The following MSR1 variants were observed in gnomAD, a reference collection of about 807,000 sequenced individuals.
MSR1 encodes macrophage scavenger receptor 1.
Under a neutral mutation model 47.2 loss-of-function variants are expected in MSR1, and 53 were observed. The ratio of observed to expected loss-of-function variants is 1.12; its 90% CI spans 0.90 to 1.41. The LOEUF (loss-of-function observed/expected upper bound fraction) is 1.41. Ranked by LOEUF, MSR1 falls within the 40% of genes most tolerant of loss-of-function variation. The pLI is 0.00. For missense variants in MSR1, 786 were observed against 546.9 expected (o/e 1.44, Z -4.36); for synonymous variants, 239 against 185.6 (o/e 1.29, Z -2.34).
Position 16,141,327 on chromosome 8 carries a change from G to A in MSR1, c.1033+2231C>T, listed in dbSNP as rs533206789. On this transcript the variant is annotated intron_variant, in intron 8 of 9. Coordinates refer to ENST00000262101, the MANE Select transcript of MSR1 (RefSeq NM_138715.3). ...AAAAAGTATTCCCACAAGATTACAT[G>A]TGAGAGTGTTGAATGTAGCATTGTT... Among the ~76,000 whole-genome samples, 6 of 152,270 alleles carry A rather than the reference G, an allele frequency of 3.9e-5. No individual in the cohort carries two copies. In the South Asian group the frequency reaches 1.2e-3, roughly 32 times the overall value.
At chr8:16,166,964 C>T (rs1399584861) in intron 4 of MSR1, among the ~76,000 whole-genome samples, 2 of 151,580 alleles carry the variant, frequency 1.3e-5, no homozygotes, top group Admixed American at 6.6e-5. Context: ...CACACACACA[C>T]ACACATGCAC....
At chr8:16,178,022 T>A (rs1421689168) in intron 1 of MSR1, 30 bp from the exon 2 acceptor site, 1 of 1,540,234 alleles carries the variant, frequency 6.5e-7, no homozygotes, top group South Asian at 1.1e-5. Context: ...AATATATTAA[T>A]TCCACATGAA....
At position 16,139,758 on chromosome 8, in the gene MSR1, AAAAAAAAAAAAAAAAAATATATAT is replaced by A. The variant is rs1276558737; in HGVS notation, c.1033+3776_1033+3799del. On this transcript the variant is annotated intron_variant, in intron 8 of 9. Transcript: ENST00000262101. ...TACACTTCAAAACTTAAAAAAAAAA[AAAAAAAAAAAAAAAAAATATATAT>A]ATATATATATATATATATATATATA... The A allele has an allele frequency of 7.0e-5, 11 of 156,124 alleles. No homozygotes were observed. In the African/African-American group the frequency reaches 9.4e-4, roughly 13 times the overall value. 9.7% of individuals were successfully genotyped at this position (156,124 alleles called of 1,614,324 possible). A position where few individuals can be genotyped will look rare whatever the true frequency, so the allele number is the denominator to read the frequency against.
chr8:16,139,718 T>C (rs1563147735), intron 8 of MSR1: 2 of 861,258 alleles, frequency 2.3e-6, no homozygotes, highest in East Asian at 2.6e-4. Flanking sequence ...GTTGGATAAA[T>C]TGCCCAAGCT....
At chr8:16,129,028 A>G (rs1800193795) in intron 8 of MSR1, among the ~76,000 whole-genome samples, 1 of 152,128 alleles carries the variant, frequency 6.6e-6, no homozygotes, top group Non-Finnish European at 1.5e-5. Flanking sequence ...GAGGTGGAAG[A>G]TGTTTTATAA....
chr8:16,182,848 T>C (rs1399122274), intron 1 of MSR1, among the ~76,000 whole-genome samples: 1 of 152,154 alleles, frequency 6.6e-6, no homozygotes, highest in Non-Finnish European at 1.5e-5. Context: ...AAATAATGAT[T>C]AAGAAGTATA....
At chr8:16,127,862 C>A (rs1800164609) in intron 8 of MSR1, among the ~76,000 whole-genome samples, 1 of 152,152 alleles carries the variant, frequency 6.6e-6, no homozygotes, top group African/African-American at 2.4e-5. Flanking sequence ...TTACAAATAT[C>A]TCCATGGTGA....
At chr8:16,169,260 A>C (rs1396223958) in intron 3 of MSR1, among the ~76,000 whole-genome samples, 1 of 152,216 alleles carries the variant, frequency 6.6e-6, no homozygotes, top group Non-Finnish European at 1.5e-5. Flanking sequence ...TTTCTGAAGT[A>C]AGCATGTTGA....
At chr8:16,158,252 T>C (rs935559574) in intron 5 of MSR1, among the ~76,000 whole-genome samples, 1 of 152,016 alleles carries the variant, frequency 6.6e-6, no homozygotes, top group African/African-American at 2.4e-5. Flanking sequence ...TAATCTGCCA[T>C]GAAGAATTAC....
At chr8:16,178,497 G>T (rs1188827538) in intron 1 of MSR1, among the ~76,000 whole-genome samples, 4 of 152,006 alleles carry the variant, frequency 2.6e-5, no homozygotes, top group Admixed American at 6.6e-5. Context: ...CTTAATCCAG[G>T]CTATCGTTGG....
At chr8:16,122,475 G>A (rs753773893) in intron 8 of MSR1, among the ~76,000 whole-genome samples, 7 of 152,072 alleles carry the variant, frequency 4.6e-5, no homozygotes, top group Non-Finnish European at 8.8e-5. Context: ...TATGAGCATC[G>A]TTGTCCTGTT....
At chr8:16,143,331 C>T (rs1800610741) in intron 8 of MSR1, among the ~76,000 whole-genome samples, 1 of 151,930 alleles carries the variant, frequency 6.6e-6, no homozygotes, top group South Asian at 2.1e-4. Flanking sequence ...GTATTCATCA[C>T]AAAAACAAAA....
intron 6 of MSR1, among the ~76,000 whole-genome samples, chr8:16,151,307 G>T (rs1455428558): frequency 1.3e-5 from 2 of 152,048 alleles, no homozygotes; most frequent in Admixed American, 1.3e-4. Flanking sequence ...AATCAAGGAT[G>T]TTCAACTACA....
At chr8:16,138,114 A>T (rs1800436221) in intron 8 of MSR1, among the ~76,000 whole-genome samples, 1 of 152,164 alleles carries the variant, frequency 6.6e-6, no homozygotes, top group Non-Finnish European at 1.5e-5. Flanking sequence ...GTAAAAATCA[A>T]ATGAAAAAAC....
At chr8:16,140,310 A>T in intron 8 of MSR1, 1 of 985,084 alleles carries the variant, frequency 1.0e-6, no homozygotes, top group Non-Finnish European at 1.2e-6. Flanking sequence ...AAAGCCCTTG[A>T]CTCAGTCTTT....
At chr8:16,156,072 A>G (rs1426441913) in intron 5 of MSR1, among the ~76,000 whole-genome samples, 1 of 151,930 alleles carries the variant, frequency 6.6e-6, no homozygotes, top group East Asian at 1.9e-4. Flanking sequence ...ACCATGTTCC[A>G]TATGGAGTAC....
intron 6 of MSR1, among the ~76,000 whole-genome samples, chr8:16,151,087 C>G (rs1226676200): frequency 1.3e-5 from 2 of 151,942 alleles, no homozygotes; most frequent in Non-Finnish European, 2.9e-5. Context: ...TCTTGATAAA[C>G]TATTGTAACA....
At chr8:16,111,867 C>T (rs1799763460) in intron 9 of MSR1, among the ~76,000 whole-genome samples, 1 of 152,150 alleles carries the variant, frequency 6.6e-6, no homozygotes, top group Admixed American at 6.5e-5. Flanking sequence ...CTCAAAGTCG[C>T]ACAGGATTCT....
intron 7 of MSR1, among the ~76,000 whole-genome samples, chr8:16,148,729 C>T (rs981068829): frequency 3.3e-5 from 5 of 151,796 alleles, no homozygotes; most frequent in Non-Finnish European, 5.9e-5. Flanking sequence ...AAAAGTGCTA[C>T]GATTACAGGT....
Sources: allele counts gnomAD v4.1 joint callset (sites outside exome capture counted in the v4.1 genomes callset), GRCh38; gene constraint gnomAD v4.1.1; transcripts MANE v1.5; gene names NCBI Gene and HGNC (gene_info 2026-07-23, HGNC 2026-07-21).